FBN3: variants seen among roughly 807,000 people sequenced by gnomAD.
FBN3 encodes the protein fibrillin-3.
Under a neutral mutation model 330.1 loss-of-function variants are expected in FBN3, and 234 were observed. The ratio of observed to expected loss-of-function variants is 0.71; its 90% confidence interval spans 0.64 to 0.79. FBN3 has a LOEUF of 0.79. FBN3 is among the 30% of genes least tolerant of loss of function. The pLI is 0.00. For synonymous variants in FBN3, 1,458 were observed against 1,517.3 expected (o/e 0.96, Z 0.91); for missense variants, 3,606 against 3,886.9 (o/e 0.93, Z 1.92).
intron 41 of FBN3, among the ~76,000 whole-genome samples, chr19:8,099,489 C>A (rs1240963087): frequency 6.6e-6 from 1 of 150,876 alleles, no homozygotes; most frequent in African/African-American, 2.4e-5. Flanking sequence ...ACCTTGTTAG[C>A]CAGGATGGTC....
Position 8,138,303 on chromosome 19 carries a change from C to A in FBN3, c.1039G>T (p.Ala347Ser). Residue 347 changes from alanine (A) to serine (S), a missense_variant, in exon 10 of 64, where the codon GCC becomes TCC. Coordinates refer to ENST00000600128, the MANE Select transcript of FBN3 (RefSeq NM_032447.5). ...RGSNEFQQLC[A>S]QRLPLLPGHP... ...CCGGGTAGCAGCGGCAGCCGCTGGG[C>A]GCACAGTTGCTGGAATTCATCTGCA... is the stretch of plus-strand genomic sequence containing the variant. The A allele has an allele frequency of 6.2e-7, 1 of 1,613,142 alleles. No homozygotes were observed.
chr19:8,117,366 T>A lies in FBN3; in HGVS notation c.3464-75A>T. 2.0e-6 allele frequency: 3 copies of A among 1,494,058 alleles called. No homozygotes were observed. The South Asian group carries it at 3.7e-5, about 18-fold the overall frequency. 92.6% of individuals were successfully genotyped at this position (1,494,058 alleles called of 1,614,324 possible). ...GATGGGGAGGGGGCTGGTTTGGGGG[T>A]GGGAGCAGAGTGGAGTTGAGGTGAG... On this transcript the variant is annotated intron_variant, in intron 27 of 63. Coordinates refer to ENST00000600128, the MANE Select transcript of FBN3 (RefSeq NM_032447.5).
At chr19:8,075,826 T>C (rs138290219) in intron 59 of FBN3, among the ~76,000 whole-genome samples, 1 of 152,264 alleles carries the variant, frequency 6.6e-6, no homozygotes, top group East Asian at 1.9e-4. Context: ...CCTTCTCCCA[T>C]GGAAAAATGA....
chr19:8,133,136 G>T, intron 13 of FBN3, 30 bp from the exon 14 acceptor site: 1 of 1,547,498 alleles, frequency 6.5e-7, no homozygotes, highest in Non-Finnish European at 8.7e-7. Context: ...CTGGGTCCAG[G>T]CAGGGACCAC....
At chr19:8,130,351 A>T (rs2144959355) in intron 16 of FBN3, among the ~76,000 whole-genome samples, 1 of 149,396 alleles carries the variant, frequency 6.7e-6, no homozygotes, top group Non-Finnish European at 1.5e-5. Flanking sequence ...AAAAAAAAAA[A>T]AATACAAAAA....
At chr19:8,067,324 C>T (rs2081416214) in intron 63 of FBN3, among the ~76,000 whole-genome samples, 1 of 151,998 alleles carries the variant, frequency 6.6e-6, no homozygotes, top group Admixed American at 6.6e-5. Flanking sequence ...CAGGGTTTCA[C>T]TATGTTGGCC....
chr19:8,085,378 T>C lies in FBN3; in HGVS notation c.7072A>G (p.Thr2358Ala). ...GGGCACCCACCTCGGCCCTCAGCAG[T>C]GTAGCCTGAGCCATGGGGGCACAGC... ...RKLCPHGSGY[T>A]AEGRDVDECR... The change falls in exon 56 of 64, where the codon ACT (threonine) becomes GCT (alanine). Residue 2358 changes from threonine (T) to alanine (A), a missense_variant. Thr to Ala is a moderately conservative substitution (Grantham distance 58, BLOSUM62 0). Transcript: ENST00000600128. 6.3e-7 allele frequency: 1 copy of C among 1,579,420 alleles called. No individual in the cohort carries two copies. The highest frequency in any genetic ancestry group is 8.6e-7 in the Non-Finnish European group (1 of 1,166,256).
At position 8,147,328 on chromosome 19, in the gene FBN3, T is replaced by A; in HGVS notation, c.153A>T (p.Pro51=). 1 of 1,597,238 alleles carries A rather than the reference T, an allele frequency of 6.3e-7. No homozygotes were observed. The highest frequency in any genetic ancestry group is 8.5e-7 in the Non-Finnish European group (1 of 1,174,042). Reference sequence around the variant, plus strand: ...GTACCACGCACCCCTGCAAGATGCCTGGGCTGCCCCGCCTCCGCACACGTC... The same window carrying A: ...GTACCACGCACCCCTGCAAGATGCCAGGGCTGCCCCGCCTCCGCACACGTC... The part of the protein sequence containing the change: ...GPGRVRRRGS[P]GILQGPNVCG... The change falls in exon 2 of 64, where the codon CCA becomes CCT. Residue 51 remains proline (P), a synonymous_variant. Coordinates refer to ENST00000600128, the MANE Select transcript of FBN3 (RefSeq NM_032447.5).
At chr19:8,086,870 T>TC (rs1302141208) in intron 54 of FBN3, among the ~76,000 whole-genome samples, 2 of 151,700 alleles carry the variant, frequency 1.3e-5, no homozygotes, top group African/African-American at 2.4e-5. Context: ...CCACTACCTG[T>TC]CCCTCCCACT....
intron 57 of FBN3, among the ~76,000 whole-genome samples, chr19:8,082,277 CCCTT>C (rs1460590743): frequency 6.7e-6 from 1 of 149,876 alleles, no homozygotes. Context: ...GGCCTTCCTT[CCCTT>C]CCTTCCTCTC....
intron 21 of FBN3, 121 bp downstream of exon 21, chr19:8,126,176 C>CTTCT (rs1382695179): frequency 7.1e-7 from 1 of 1,412,238 alleles, no homozygotes; most frequent in Admixed American, 2.0e-5. Flanking sequence ...GTAGGGAGAA[C>CTTCT]GTCTGTCCCC....
chr19:8,131,512 C>T lies in FBN3; in HGVS notation c.1990+42G>A. 6.4e-7 allele frequency: 1 copy of T among 1,568,914 alleles called. No individual in the cohort carries two copies. The highest frequency in any genetic ancestry group is 8.7e-7 in the Non-Finnish European group (1 of 1,154,410). On this transcript the variant is annotated intron_variant, in intron 15 of 63. Transcript: ENST00000600128. The surrounding 1 kb of genome is among the most constrained non-coding windows in gnomAD (Gnocchi z 4.5). ...AGAAGCGAGAACCGATGGAGGCATTCAGACCAAGGAGGCGATGGGGACCGG... is the reference window on the plus strand; with the variant it reads ...AGAAGCGAGAACCGATGGAGGCATTTAGACCAAGGAGGCGATGGGGACCGG...
In FBN3 at chr19:8,096,783, T is replaced by C. The variant is rs1345581534; in HGVS notation, c.5413+98A>G. The C allele has an allele frequency of 3.5e-6, 5 of 1,416,816 alleles. No individual in the cohort carries two copies. The highest frequency in any genetic ancestry group is 2.3e-5 in the East Asian group (1 of 43,586). The allele number at this position is 1,416,816 out of a possible 1,614,324, so 87.8% of individuals were successfully genotyped here. On this transcript the variant is annotated intron_variant, in intron 43 of 63. Transcript: ENST00000600128. The surrounding 1 kb of genome is among the most constrained non-coding windows in gnomAD (Gnocchi z 4.6). ...TACATCCCCCACCCCCCTAATAGTA[T>C]AGAAAAGGAGAAAGACCTGGACAGA...
Position 8,096,774 on chromosome 19 carries a change from C to CT in FBN3, c.5413+106dup. 7.2e-7 allele frequency: 1 copy of CT among 1,394,048 alleles called. No homozygotes were observed. Among genetic ancestry groups the CT allele is most frequent in the Non-Finnish European group, 9.8e-7 (1 of 1,018,806 alleles). 86.4% of individuals were successfully genotyped at this position (1,394,048 alleles called of 1,614,324 possible). On this transcript the variant is annotated intron_variant, in intron 43 of 63. Coordinates refer to ENST00000600128, the MANE Select transcript of FBN3 (RefSeq NM_032447.5). The surrounding 1 kb of genome is among the most constrained non-coding windows in gnomAD (Gnocchi z 4.6). ...CACTCTCAATACATCCCCCACCCCC[C>CT]TAATAGTATAGAAAAGGAGAAAGAC...
chr19:8,135,936 G>GGACCCCC, intron 13 of FBN3, 25 bp downstream of exon 13: 1 of 668,776 alleles, frequency 1.5e-6, no homozygotes, highest in East Asian at 3.9e-5. Flanking sequence ...GGAAGCCCCT[G>GGACCCCC]CCCACCCGCC....
rs756737502 is a variant in FBN3, at chr19:8,115,582, C to T, written c.3771G>A (p.Thr1257=). ...HICLHGDCEN[T]KGSFVCHCQL... is the part of the protein sequence containing the mutation. Reference sequence around the variant, plus strand: ...GACAGTGGCAGACAAAGGAACCCTTCGTGTTCTCGCAGTCCCCATGGAGGC... The same window carrying T: ...GACAGTGGCAGACAAAGGAACCCTTTGTGTTCTCGCAGTCCCCATGGAGGC... Residue 1257 remains threonine (T), a synonymous_variant, in exon 30 of 64, where the codon ACG becomes ACA. Coordinates refer to ENST00000600128, the MANE Select transcript of FBN3 (RefSeq NM_032447.5). 9 of 1,614,046 alleles carry T rather than the reference C, an allele frequency of 5.6e-6. No homozygotes were observed. Among genetic ancestry groups the T allele is most frequent in the East Asian group, 2.2e-5 (1 of 44,856 alleles).
intron 6 of FBN3, among the ~76,000 whole-genome samples, chr19:8,142,998 C>A (rs1287743320): frequency 2.6e-5 from 4 of 151,370 alleles, no homozygotes; most frequent in African/African-American, 9.8e-5. Flanking sequence ...GTCCCCGGGT[C>A]GTGCCCATCC....
chr19:8,103,712 G>A (rs1568399372), intron 38 of FBN3, 25 bp from the exon 39 acceptor site: 1 of 1,607,762 alleles, frequency 6.2e-7, no homozygotes, highest in South Asian at 1.1e-5. Flanking sequence ...GGGGTGGAGG[G>A]GAACAGTGGG....
chr19:8,083,113 T>G, intron 57 of FBN3, 134 bp downstream of exon 57: 1 of 1,076,012 alleles, frequency 9.3e-7, no homozygotes, highest in Non-Finnish European at 1.4e-6. Flanking sequence ...CAGTTGTCTG[T>G]ATGGTTTGGG....
Sources: gnomAD v4.1 joint callset for allele counts (sites outside exome capture counted in the v4.1 genomes callset) on GRCh38, gnomAD v4.1.1 for gene constraint, Gnocchi (gnomAD v3.1) non-coding constraint, MANE v1.5 for transcripts, NCBI Gene and HGNC (gene_info 2026-07-23, HGNC 2026-07-21) for gene names.